INO80C: variants seen among roughly 807,000 people sequenced by gnomAD.
INO80C encodes the protein IES6 homolog.
Under a neutral mutation model 17.7 loss-of-function variants are expected in INO80C, and 17 were observed. That is an observed-to-expected ratio of 0.96 (90% confidence interval 0.66 to 1.44). The LOEUF (loss-of-function observed/expected upper bound fraction) is 1.44, where lower values mean the gene tolerates loss of function less well. INO80C is among the 40% of genes most tolerant of loss of function. The probability of loss-of-function intolerance (pLI) is 0.00; values close to 1 mark genes in which losing one functional copy is unlikely to be tolerated. For synonymous variants in INO80C, 96 were observed against 95.8 expected (o/e 1.00, Z -0.01); for missense variants, 244 against 245.0 (o/e 1.00, Z 0.03).
At position 35,468,479 on chromosome 18, in the gene INO80C, A is replaced by C; in HGVS notation, c.*132T>G. On this transcript the variant is annotated 3_prime_UTR_variant, in exon 5 of 5. Transcript: ENST00000334598. ...AAAAAAAAACCCTTAAATTAAAGCC[A>C]AACATTCTTTCCAAGGCACAGCACT... 1 of 1,501,994 alleles carries C rather than the reference A, an allele frequency of 6.7e-7. No individual in the cohort carries two copies. The highest frequency in any genetic ancestry group is 8.9e-7 in the Non-Finnish European group (1 of 1,129,424). The allele number at this position is 1,501,994 out of a possible 1,614,324, so 93.0% of individuals were successfully genotyped here. A position where few individuals can be genotyped will look rare whatever the true frequency, so the allele number is the denominator to read the frequency against.
chr18:35,497,602 C>G (rs561007243), intron 1 of INO80C, 117 bp downstream of exon 1: 2 of 1,453,494 alleles, frequency 1.4e-6, no homozygotes, highest in East Asian at 2.6e-5. Context: ...CGTCTTTCAA[C>G]CCCAACGGAG....
At chr18:35,491,137 A>C (rs1179960692) in intron 1 of INO80C, among the ~76,000 whole-genome samples, 1 of 152,172 alleles carries the variant, frequency 6.6e-6, no homozygotes, top group Non-Finnish European at 1.5e-5. Context: ...CTGTGTGCCC[A>C]ATGAAAGGAA....
At position 35,497,848 on chromosome 18, in the gene INO80C, G is replaced by A. The variant is rs1056851336; in HGVS notation, c.27C>T (p.Ala9=). 2 of 1,590,398 alleles carry A rather than the reference G, an allele frequency of 1.3e-6. No homozygotes were observed. Among genetic ancestry groups the A allele is most frequent in the Non-Finnish European group, 1.7e-6 (2 of 1,166,808 alleles). MAAQIPIV[A]TTSTPGIVRN... is the part of the protein sequence containing the mutation. ...GGACTATTCCGGGAGTGGAAGTGGT[G>A]GCCACAATTGGAATTTGCGCCGCCA... Residue 9 remains alanine, a synonymous_variant, in exon 1 of 5, where the codon GCC becomes GCT. Coordinates refer to ENST00000334598, the MANE Select transcript of INO80C (RefSeq NM_194281.4).
At chr18:35,485,319 C>G (rs561105492) in intron 1 of INO80C, among the ~76,000 whole-genome samples, 1 of 152,252 alleles carries the variant, frequency 6.6e-6, no homozygotes, top group South Asian at 2.1e-4. Context: ...AAGCAACAAA[C>G]CAGTATATAC....
chr18:35,470,197 T>C (rs1309284801), intron 4 of INO80C, among the ~76,000 whole-genome samples: 5 of 152,116 alleles, frequency 3.3e-5, no homozygotes, highest in African/African-American at 2.4e-5. Flanking sequence ...GAACACTCAA[T>C]AAAAAAGCAA....
At chr18:35,474,876 C>A (rs1293202418) in intron 4 of INO80C, among the ~76,000 whole-genome samples, 3 of 152,054 alleles carry the variant, frequency 2.0e-5, no homozygotes, top group Non-Finnish European at 4.4e-5. Context: ...CCAAACTGAA[C>A]CGCAACGAAA....
chr18:35,488,648 G>A (rs2045902249), intron 1 of INO80C, among the ~76,000 whole-genome samples: 1 of 152,162 alleles, frequency 6.6e-6, no homozygotes, highest in Non-Finnish European at 1.5e-5. Context: ...TCTCTGACAT[G>A]CCCTAGAGAC....
intron 4 of INO80C, among the ~76,000 whole-genome samples, chr18:35,469,982 A>T (rs2045650032): frequency 6.6e-6 from 1 of 152,168 alleles, no homozygotes; most frequent in African/African-American, 2.4e-5. Context: ...CTAACTATAT[A>T]CCTCAAAGCA....
chr18:35,473,802 G>A (rs1316682164), intron 4 of INO80C, among the ~76,000 whole-genome samples: 2 of 152,110 alleles, frequency 1.3e-5, no homozygotes, highest in Non-Finnish European at 2.9e-5. Context: ...CCAAACTTCA[G>A]TAAGACTGGC....
At chr18:35,490,614 G>GAA (rs2045924313) in intron 1 of INO80C, among the ~76,000 whole-genome samples, 1 of 152,156 alleles carries the variant, frequency 6.6e-6, no homozygotes, top group Non-Finnish European at 1.5e-5. Context: ...AAGGGAAAGG[G>GAA]AAAATGCAGT....
At chr18:35,469,150 T>C (rs1327771621) in intron 4 of INO80C, among the ~76,000 whole-genome samples, 2 of 152,184 alleles carry the variant, frequency 1.3e-5, no homozygotes, top group Admixed American at 6.5e-5. Flanking sequence ...CTCCCTGCTG[T>C]GCTCCACTTA....
At chr18:35,487,105 C>T (rs895392852) in intron 1 of INO80C, among the ~76,000 whole-genome samples, 1 of 152,204 alleles carries the variant, frequency 6.6e-6, no homozygotes, top group African/African-American at 2.4e-5. Context: ...TACCACCTTA[C>T]TAAGTGCTCA....
intron 1 of INO80C, among the ~76,000 whole-genome samples, chr18:35,481,167 C>T (rs761128025): frequency 6.6e-6 from 1 of 152,010 alleles, no homozygotes; most frequent in Non-Finnish European, 1.5e-5. Context: ...GGAAGGAAAA[C>T]GGAAAAAAAG....
At chr18:35,495,059 G>A (rs1335746511) in intron 1 of INO80C, among the ~76,000 whole-genome samples, 2 of 152,226 alleles carry the variant, frequency 1.3e-5, no homozygotes, top group Non-Finnish European at 2.9e-5. Flanking sequence ...CAGCCCTCAG[G>A]GGTACTGTGC....
chr18:35,477,198 C>T (rs768885024), intron 4 of INO80C, among the ~76,000 whole-genome samples: 27 of 152,134 alleles, frequency 1.8e-4, no homozygotes, highest in African/African-American at 6.0e-4. Context: ...GAGCCAAGAG[C>T]GTGCCACTGC....
rs766187166 is a variant in INO80C, at chr18:35,468,622, T to TG, written c.567dup (p.Ile190HisfsTer51). The stretch of plus-strand genomic sequence containing the variant: ...TCCCTTTCTGGGGCTCAGGGAACGA[T>TG]GCTCGTGGCCTTCCTCAGGGCCAGG... On this transcript the variant is annotated frameshift_variant, in exon 5 of 5. Coordinates refer to ENST00000334598, the MANE Select transcript of INO80C (RefSeq NM_194281.4). LOFTEE classifies it high-confidence loss of function. 1.2e-6 allele frequency: 2 copies of TG among 1,614,140 alleles called. No individual in the cohort carries two copies. The highest frequency in any genetic ancestry group is 2.2e-5 in the South Asian group (2 of 91,086).
chr18:35,470,082 C>A (rs1598733899), intron 4 of INO80C, among the ~76,000 whole-genome samples: 2 of 152,280 alleles, frequency 1.3e-5, no homozygotes, highest in East Asian at 3.9e-4. Context: ...CCATTAAAGT[C>A]TAGACAGATA....
intron 1 of INO80C, among the ~76,000 whole-genome samples, chr18:35,486,786 TAAAAAAAAAA>T (rs374753662): frequency 1.3e-5 from 1 of 79,682 alleles, no homozygotes; most frequent in East Asian, 3.3e-4. Flanking sequence ...CCCAATTTCT[TAAAAAAAAAA>T]AAAAAAAAAA....
intron 2 of INO80C, 64 bp downstream of exon 2, chr18:35,480,389 A>G: frequency 8.8e-7 from 1 of 1,140,296 alleles, no homozygotes; most frequent in South Asian, 1.2e-5. Flanking sequence ...CTACAGGCCC[A>G]GCAAGATCAG....
Sources: gnomAD v4.1 joint callset for allele counts (sites outside exome capture counted in the v4.1 genomes callset) on GRCh38, gnomAD v4.1.1 for gene constraint, MANE v1.5 for transcripts, NCBI Gene and HGNC (gene_info 2026-07-23, HGNC 2026-07-21) for gene names.